ELK3: variants seen among roughly 807,000 people sequenced by gnomAD.
ELK3 encodes the protein ETS domain-containing protein Elk-3.
A neutral mutation model predicts 28.9 loss-of-function variants in ELK3; 10 were observed. That is an observed-to-expected ratio of 0.35 (90% CI 0.21 to 0.59). ELK3 has a LOEUF of 0.59. Ranked by LOEUF, ELK3 falls within the 20% of genes least tolerant of loss-of-function variation. ELK3 has a pLI of 0.82. For synonymous variants in ELK3, 272 were observed against 243.5 expected, an observed-to-expected ratio of 1.12 and a Z score of -1.09; for missense variants, 463 against 517.3, an observed-to-expected ratio of 0.90 and a Z score of 1.02.
At chr12:96,255,803 C>T (rs1381819966) in intron 3 of ELK3, among the ~76,000 whole-genome samples, 1 of 152,066 alleles carries the variant, frequency 6.6e-6, no homozygotes, top group Non-Finnish European at 1.5e-5. Flanking sequence ...AATATTTTTT[C>T]CTCGTTCCAT....
At position 96,267,348 on chromosome 12, in the gene ELK3, T is replaced by C. The variant is rs1952042888; in HGVS notation, c.*168T>C. 1 of 557,520 alleles carries C rather than the reference T, an allele frequency of 1.8e-6. No individual in the cohort carries two copies. Among genetic ancestry groups the C allele is most frequent in the African/African-American group, 1.9e-5 (1 of 52,644 alleles). 34.5% of individuals were successfully genotyped at this position (557,520 alleles called of 1,614,324 possible). A position where few individuals can be genotyped will look rare whatever the true frequency, so the allele number is the denominator to read the frequency against. The stretch of plus-strand genomic sequence containing the variant: ...TATGTTAGCATTTTAAAAACTGTTT[T>C]TGATATATTCAAGTATATATGAAAA... On this transcript the variant is annotated 3_prime_UTR_variant, in exon 5 of 5. Transcript: ENST00000228741.
At chr12:96,239,097 A>C (rs567403797) in intron 2 of ELK3, among the ~76,000 whole-genome samples, 1 of 152,206 alleles carries the variant, frequency 6.6e-6, no homozygotes, top group Admixed American at 6.6e-5. Context: ...AAAAGTCTTA[A>C]TTTGACAAGT....
chr12:96,220,382 A>ATT (rs35309478), intron 1 of ELK3, among the ~76,000 whole-genome samples: 3,143 of 100,206 alleles, frequency 0.031, 227 homozygotes, highest in East Asian at 0.31. Context: ...CTTTTTCGTG[A>ATT]TTTTTTTTTT....
intron 2 of ELK3, among the ~76,000 whole-genome samples, chr12:96,227,968 A>G (rs1309091552): frequency 2.0e-5 from 3 of 152,204 alleles, no homozygotes; most frequent in African/African-American, 7.2e-5. Flanking sequence ...AATAATACAG[A>G]TGACAGTTTC....
rs375886191 is a variant in ELK3, at chr12:96,227,207, C to T, written c.207+3434C>T. On this transcript the variant is annotated intron_variant, in intron 2 of 4. Transcript: ENST00000228741. Reference sequence around the variant, plus strand: ...GCGTTTCTCAGTGTCACGTACAGCTCGGCCTGACCGTTTGCCTTTTAGTGT... The same window carrying T: ...GCGTTTCTCAGTGTCACGTACAGCTTGGCCTGACCGTTTGCCTTTTAGTGT... Among the ~76,000 whole-genome samples, 10 of 151,962 alleles carry T rather than the reference C, an allele frequency of 6.6e-5. No individual in the cohort carries two copies. The South Asian group carries it at 1.5e-3, about 22-fold the overall frequency.
At chr12:96,257,070 C>G (rs905627581) in intron 3 of ELK3, among the ~76,000 whole-genome samples, 3 of 152,228 alleles carry the variant, frequency 2.0e-5, no homozygotes, top group African/African-American at 4.8e-5. Flanking sequence ...CTTGTTAAAA[C>G]GAGACTGTCT....
intron 1 of ELK3, among the ~76,000 whole-genome samples, chr12:96,217,733 C>G (rs905213921): frequency 1.3e-5 from 2 of 151,886 alleles, no homozygotes; most frequent in African/African-American, 4.8e-5. Context: ...GTCAGGAGAT[C>G]GAGACCATCT....
intron 2 of ELK3, among the ~76,000 whole-genome samples, chr12:96,242,982 CCT>C (rs1248520394): frequency 6.6e-6 from 1 of 152,170 alleles, no homozygotes; most frequent in East Asian, 1.9e-4. Context: ...CTCTTGGTGT[CCT>C]CTCTGCTCCC....
At chr12:96,258,822 A>C (rs945168713) in intron 3 of ELK3, among the ~76,000 whole-genome samples, 2 of 152,146 alleles carry the variant, frequency 1.3e-5, no homozygotes, top group Non-Finnish European at 2.9e-5. Flanking sequence ...CCAATCTGAC[A>C]AGAAAGGGCC....
chr12:96,205,781 C>A (rs1488068651), intron 1 of ELK3, among the ~76,000 whole-genome samples: 1 of 152,170 alleles, frequency 6.6e-6, no homozygotes, highest in African/African-American at 2.4e-5. Context: ...TAGCCCAGTG[C>A]AAAAATGCCC....
At chr12:96,235,043 C>T (rs758363880) in intron 2 of ELK3, among the ~76,000 whole-genome samples, 15 of 152,182 alleles carry the variant, frequency 9.9e-5, no homozygotes, top group South Asian at 4.1e-4. Flanking sequence ...TGAGTGGCCC[C>T]GGAATACCCC....
At chr12:96,263,969 T>C (rs1446880121) in intron 4 of ELK3, among the ~76,000 whole-genome samples, 1 of 152,056 alleles carries the variant, frequency 6.6e-6, no homozygotes, top group Non-Finnish European at 1.5e-5. Context: ...AACAGGAAGA[T>C]AAGAGGAAAT....
At chr12:96,225,121 T>G (rs781589322) in intron 2 of ELK3, among the ~76,000 whole-genome samples, 1 of 152,252 alleles carries the variant, frequency 6.6e-6, no homozygotes, top group Non-Finnish European at 1.5e-5. Flanking sequence ...GATGGCTTAT[T>G]GTTTTGCGTG....
At chr12:96,234,317 C>CA (rs547404670) in intron 2 of ELK3, among the ~76,000 whole-genome samples, 218 of 152,296 alleles carry the variant, frequency 1.4e-3, no homozygotes, top group African/African-American at 5.2e-3. Context: ...GCTCGGCTGC[C>CA]AAAGCTCTTG....
chr12:96,208,884 G>C (rs1234379834), intron 1 of ELK3, among the ~76,000 whole-genome samples: 1 of 152,234 alleles, frequency 6.6e-6, no homozygotes, highest in Non-Finnish European at 1.5e-5. Context: ...GAAAGGGGAA[G>C]GTGCACAGAT....
chr12:96,212,859 G>A (rs900864499), intron 1 of ELK3: 2 of 152,178 alleles, frequency 1.3e-5, no homozygotes, highest in Non-Finnish European at 2.9e-5. Flanking sequence ...CATCTTTCTC[G>A]CGGGGGAGGG....
At chr12:96,242,813 C>T (rs895148010) in intron 2 of ELK3, among the ~76,000 whole-genome samples, 1 of 152,234 alleles carries the variant, frequency 6.6e-6, no homozygotes, top group Admixed American at 6.5e-5. Flanking sequence ...GCCTTCGACC[C>T]TGGCAGGTTT....
rs1284339181 is a variant in ELK3 at position 96,269,241 on chromosome 12, C to G, written c.*2061C>G. On this transcript the variant is annotated 3_prime_UTR_variant, in exon 5 of 5. Transcript: ENST00000228741. ...GTAAAACAAACAAAACAGATAAAGA[C>G]AGCATTTAAAACTGTGTTGTCAGAT... 6.6e-6 allele frequency: 1 copy of G among 152,172 alleles called. No individual in the cohort carries two copies. Among genetic ancestry groups the G allele is most frequent in the Non-Finnish European group, 1.5e-5 (1 of 68,032 alleles). The allele number at this position is 152,172 out of a possible 1,614,324, so 9.4% of individuals were successfully genotyped here. A position where few individuals can be genotyped will look rare whatever the true frequency, so the allele number is the denominator to read the frequency against.
chr12:96,211,183 G>A (rs891960274), intron 1 of ELK3, among the ~76,000 whole-genome samples: 1 of 152,156 alleles, frequency 6.6e-6, no homozygotes, highest in African/African-American at 2.4e-5. Context: ...AAATTTAATT[G>A]CACTAAAAAG....
Sources: gnomAD v4.1 joint callset for allele counts (sites outside exome capture counted in the v4.1 genomes callset) on GRCh38, gnomAD v4.1.1 for gene constraint, MANE v1.5 for transcripts, NCBI Gene and HGNC (gene_info 2026-07-23, HGNC 2026-07-21) for gene names.